RAP1GDS1: variants seen among roughly 807,000 people sequenced by gnomAD.
The protein encoded by RAP1GDS1 is RAP1, GTP-GDP dissociation stimulator 1.
A neutral mutation model predicts 71.1 loss-of-function variants in RAP1GDS1; 35 were observed. The ratio of observed to expected loss-of-function variants is 0.49; its 90% CI spans 0.38 to 0.65. The LOEUF is 0.65. Among genes scored for constraint, RAP1GDS1 ranks in the 30% least tolerant of loss-of-function variants. The probability of loss-of-function intolerance (pLI) is 0.00; values close to 1 mark genes in which losing one functional copy is unlikely to be tolerated. For synonymous variants in RAP1GDS1, 229 were observed against 243.1 expected (o/e 0.94, Z 0.54); for missense variants, 663 against 706.1 (o/e 0.94, Z 0.69).
intron 6 of RAP1GDS1, 46 bp from the exon 7 acceptor site, chr4:98,404,431 G>T: frequency 6.6e-7 from 1 of 1,520,288 alleles, no homozygotes; most frequent in Non-Finnish European, 8.8e-7. Flanking sequence ...TTAGAAAACA[G>T]TTTCTGGACT....
chr4:98,349,641 G>A lies in RAP1GDS1; in HGVS notation c.236-2835G>A, dbSNP rs979881856. The stretch of plus-strand genomic sequence containing the variant: ...ATTTGTTTGTGTCCTCTTTTATTTC[G>A]TTGAGCAGTGGTTTGTAATTCTCCT... On this transcript the variant is annotated intron_variant, in intron 3 of 14. Transcript: ENST00000408927. Among the ~76,000 whole-genome samples the A allele has an allele frequency of 9.9e-5, 15 of 152,104 alleles. No homozygotes were observed. The East Asian group carries it at 1.9e-3, about 20-fold the overall frequency.
intron 2 of RAP1GDS1, among the ~76,000 whole-genome samples, chr4:98,331,758 C>G (rs1312967549): frequency 6.6e-6 from 1 of 152,084 alleles, no homozygotes; most frequent in African/African-American, 2.4e-5. Context: ...GGGGAAATCC[C>G]AAAGTTAATT....
At chr4:98,316,968 C>G (rs940674865) in intron 2 of RAP1GDS1, among the ~76,000 whole-genome samples, 1 of 152,124 alleles carries the variant, frequency 6.6e-6, no homozygotes, top group African/African-American at 2.4e-5. Context: ...AATTGGCTGT[C>G]GTGCAGTTAA....
rs940169314 is a variant in RAP1GDS1, at chr4:98,339,742, A to G, written c.113-3397A>G. Reference sequence around the variant, plus strand: ...AGTGTAATGCCAGTGCAAAAAGTATATATGAAATGAAGTTAAAACTTTGTA... The same window carrying G: ...AGTGTAATGCCAGTGCAAAAAGTATGTATGAAATGAAGTTAAAACTTTGTA... On this transcript the variant is annotated intron_variant, in intron 2 of 14. Coordinates refer to ENST00000408927, the MANE Select transcript of RAP1GDS1 (RefSeq NM_001100427.2). 5.9e-5 allele frequency among the ~76,000 whole-genome samples: 9 copies of G among 152,230 alleles called. No homozygotes were observed. The East Asian group carries it at 1.5e-3, about 26-fold the overall frequency.
At chr4:98,368,389 C>T (rs191686987) in intron 4 of RAP1GDS1, among the ~76,000 whole-genome samples, 2 of 152,076 alleles carry the variant, frequency 1.3e-5, no homozygotes, top group African/African-American at 4.8e-5. Context: ...TCTTGGTTAA[C>T]TGAGATCCAT....
chr4:98,368,261 T>TC, intron 4 of RAP1GDS1, among the ~76,000 whole-genome samples: 1 of 152,130 alleles, frequency 6.6e-6, no homozygotes, highest in Non-Finnish European at 1.5e-5. Context: ...TTGTGAGGCT[T>TC]CCCCTGCCAT....
chr4:98,280,021 G>C (rs548997469), intron 1 of RAP1GDS1, among the ~76,000 whole-genome samples: 4 of 152,220 alleles, frequency 2.6e-5, no homozygotes, highest in African/African-American at 9.6e-5. Context: ...GTGGACATTT[G>C]GGTTCGTTCC....
At chr4:98,331,293 C>T (rs192927413) in intron 2 of RAP1GDS1, among the ~76,000 whole-genome samples, 312 of 141,216 alleles carry the variant, frequency 2.2e-3, no homozygotes, top group African/African-American at 7.8e-3. Flanking sequence ...AAGCGGGAGA[C>T]GGAGACGAAG....
At chr4:98,410,545 G>C (rs1358843297) in intron 7 of RAP1GDS1, among the ~76,000 whole-genome samples, 2 of 152,016 alleles carry the variant, frequency 1.3e-5, no homozygotes, top group African/African-American at 4.8e-5. Flanking sequence ...TGTATACCAG[G>C]AACTGTTACA....
intron 4 of RAP1GDS1, among the ~76,000 whole-genome samples, chr4:98,355,704 C>T (rs1369304440): frequency 2.6e-5 from 4 of 152,114 alleles, no homozygotes; most frequent in Admixed American, 6.5e-5. Flanking sequence ...CCATAAAATC[C>T]GTGGAAATCT....
At chr4:98,366,425 T>C (rs1051892995) in intron 4 of RAP1GDS1, among the ~76,000 whole-genome samples, 5 of 152,152 alleles carry the variant, frequency 3.3e-5, no homozygotes, top group African/African-American at 1.2e-4. Context: ...GGTATGTCTT[T>C]ATCAGCAGCA....
intron 7 of RAP1GDS1, among the ~76,000 whole-genome samples, chr4:98,408,159 A>G (rs887064353): frequency 1.4e-4 from 21 of 151,394 alleles, no homozygotes; most frequent in Non-Finnish European, 2.9e-4. Context: ...CCCAGGCTGG[A>G]GTGCAGTGGC....
chr4:98,442,942 T>C lies in RAP1GDS1; in HGVS notation c.*825T>C, dbSNP rs1752053649. 4.3e-6 allele frequency: 1 copy of C among 230,792 alleles called. No homozygotes were observed. Among genetic ancestry groups the C allele is most frequent in the Non-Finnish European group, 8.6e-6 (1 of 116,850 alleles). 14.3% of individuals were successfully genotyped at this position (230,792 alleles called of 1,614,324 possible). A position where few individuals can be genotyped will look rare whatever the true frequency, so the allele number is the denominator to read the frequency against. ...CCAGTTAATCAGCATTATCCAGCAC[T>C]TGTCTTTAAAATTCATTTGGCGCTT... is the stretch of plus-strand genomic sequence containing the variant. On this transcript the variant is annotated 3_prime_UTR_variant, in exon 15 of 15. Transcript: ENST00000408927.
chr4:98,335,457 T>G (rs1188844082), intron 2 of RAP1GDS1, among the ~76,000 whole-genome samples: 3 of 151,220 alleles, frequency 2.0e-5, no homozygotes, highest in African/African-American at 4.9e-5. Context: ...CTGGCTCTAT[T>G]AGGGTTGTTT....
intron 5 of RAP1GDS1, among the ~76,000 whole-genome samples, chr4:98,381,069 A>G (rs1022203024): frequency 6.6e-6 from 1 of 151,756 alleles, no homozygotes; most frequent in Non-Finnish European, 1.5e-5. Context: ...TGGAGTGCAC[A>G]GTCTAACTGT....
At chr4:98,409,038 A>G (rs1416021566) in intron 7 of RAP1GDS1, among the ~76,000 whole-genome samples, 1 of 152,146 alleles carries the variant, frequency 6.6e-6, no homozygotes, top group Non-Finnish European at 1.5e-5. Flanking sequence ...ATTAAAGAGA[A>G]TAAAAGAAAA....
chr4:98,380,538 C>A (rs1057054503), intron 5 of RAP1GDS1, among the ~76,000 whole-genome samples: 2 of 151,666 alleles, frequency 1.3e-5, no homozygotes, highest in Admixed American at 1.3e-4. Context: ...TCTGTTTTTC[C>A]TTCCTTCTGG....
intron 7 of RAP1GDS1, among the ~76,000 whole-genome samples, chr4:98,413,567 G>A (rs1408825721): frequency 1.3e-5 from 2 of 151,906 alleles, no homozygotes; most frequent in Non-Finnish European, 2.9e-5. Context: ...TTTTATGGCT[G>A]CATAGTATTC....
In RAP1GDS1 at chr4:98,437,035, T is replaced by G; in HGVS notation, c.1663T>G (p.Ser555Ala). 2 of 1,612,412 alleles carry G rather than the reference T, an allele frequency of 1.2e-6. No homozygotes were observed. Among genetic ancestry groups the G allele is most frequent in the Non-Finnish European group, 1.7e-6 (2 of 1,179,578 alleles). The change falls in exon 14 of 15, where the codon TCC becomes GCC. Residue 555 changes from serine (S) to alanine (A), a missense_variant. Ser to Ala is a moderately conservative substitution (Grantham distance 99). Coordinates refer to ENST00000408927, the MANE Select transcript of RAP1GDS1 (RefSeq NM_001100427.2). ...AAGTGCTCCTGAAATCAAATATAAT[T>G]CCATGGTCCTGATATGTGCTCTTAT... is the stretch of plus-strand genomic sequence containing the variant. ...ERSAPEIKYN[S>A]MVLICALMGS...
Sources: allele counts gnomAD v4.1 joint callset (sites outside exome capture counted in the v4.1 genomes callset), GRCh38; gene constraint gnomAD v4.1.1; transcripts MANE v1.5; gene names NCBI Gene and HGNC (gene_info 2026-07-23, HGNC 2026-07-21).